Variants in PSD3 observed in about 807,000 individuals in gnomAD.
PSD3 encodes pleckstrin and Sec7 domain containing 3.
In PSD3, 49 loss-of-function variants were observed where a neutral mutation model predicts 105.5. That is an observed-to-expected ratio of 0.46 (90% CI 0.37 to 0.59). PSD3 has a LOEUF of 0.59. Ranked by LOEUF, PSD3 falls within the 20% of genes least tolerant of loss-of-function variation. The pLI is 0.00. For missense variants in PSD3, 1,561 were observed against 1,263.8 expected (o/e 1.24, Z -3.57); for synonymous variants, 557 against 457.8 (o/e 1.22, Z -2.77).
In PSD3 at chr8:18,586,084, G is replaced by C. The variant is rs115017281; in HGVS notation, c.2482-10799C>G. Among the ~76,000 whole-genome samples the C allele has an allele frequency of 4.1e-3, 620 of 152,276 alleles. 4 individuals carry two copies. Among genetic ancestry groups the C allele is most frequent in the African/African-American group, 0.014 (577 of 41,550 alleles). ...AAGAGGCTGCCGACACTGTGCCCAT[G>C]TGTTCAGGAGGCATGCAACATATGG... On this transcript the variant is annotated intron_variant, in intron 12 of 15. Coordinates refer to ENST00000327040, the MANE Select transcript of PSD3 (RefSeq NM_015310.4).
chr8:18,969,345 G>A (rs1400747000), intron 1 of PSD3, among the ~76,000 whole-genome samples: 3 of 152,142 alleles, frequency 2.0e-5, no homozygotes, highest in Non-Finnish European at 4.4e-5. Context: ...AAATTTCGAT[G>A]CAACAGCAGC....
chr8:18,726,771 C>A (rs1354172896), intron 9 of PSD3, among the ~76,000 whole-genome samples: 1 of 152,170 alleles, frequency 6.6e-6, no homozygotes, highest in Non-Finnish European at 1.5e-5. Context: ...CCAACTAAAC[C>A]AAAACTACTA....
chr8:18,862,576 G>A lies in PSD3; in HGVS notation c.1634+5098C>T, dbSNP rs372840180. Reference sequence around the variant, plus strand: ...AGCACCAATGGCAGAAAAGAAGCCCGGAGCTCCGTGGGCAGCCAGATCTCT... The same window carrying A: ...AGCACCAATGGCAGAAAAGAAGCCCAGAGCTCCGTGGGCAGCCAGATCTCT... On this transcript the variant is annotated intron_variant, in intron 4 of 15. Coordinates refer to ENST00000327040, the MANE Select transcript of PSD3 (RefSeq NM_015310.4). Among the ~76,000 whole-genome samples the A allele has an allele frequency of 4.5e-4, 68 of 152,178 alleles. No homozygotes were observed. The East Asian group carries it at 8.3e-3, about 19-fold the overall frequency.
At chr8:18,841,394 G>A (rs764655970) in intron 4 of PSD3, among the ~76,000 whole-genome samples, 8 of 152,048 alleles carry the variant, frequency 5.3e-5, no homozygotes, top group Non-Finnish European at 8.8e-5. Context: ...CAACAAAGCA[G>A]CTCTACTTTC....
chr8:18,944,657 G>C (rs532764805), intron 1 of PSD3, among the ~76,000 whole-genome samples: 1 of 151,864 alleles, frequency 6.6e-6, no homozygotes, highest in Non-Finnish European at 1.5e-5. Flanking sequence ...TCTTAGTAAC[G>C]AATTATTACG....
At chr8:18,545,728 C>A (rs926112528) in intron 15 of PSD3, among the ~76,000 whole-genome samples, 1 of 152,162 alleles carries the variant, frequency 6.6e-6, no homozygotes, top group Non-Finnish European at 1.5e-5. Flanking sequence ...CTTTGCTTTT[C>A]CTTCTGATTG....
At chr8:18,757,589 C>T (rs1357999714) in intron 9 of PSD3, among the ~76,000 whole-genome samples, 1 of 152,210 alleles carries the variant, frequency 6.6e-6, no homozygotes, top group Admixed American at 6.5e-5. Context: ...AGCAGAATCT[C>T]TAATAGGAAG....
intron 14 of PSD3, among the ~76,000 whole-genome samples, chr8:18,570,979 C>T (rs1263769874): frequency 2.0e-5 from 3 of 151,944 alleles, no homozygotes; most frequent in East Asian, 1.9e-4. Context: ...CCTGTGTCCA[C>T]CTCCCAAGTA....
At chr8:18,574,873 A>T (rs1802375914) in intron 13 of PSD3, among the ~76,000 whole-genome samples, 1 of 152,196 alleles carries the variant, frequency 6.6e-6, no homozygotes, top group African/African-American at 2.4e-5. Context: ...ATTGATGAGG[A>T]TACTGAATTC....
intron 2 of PSD3, among the ~76,000 whole-genome samples, chr8:18,903,303 T>C (rs960825112): frequency 2.0e-5 from 3 of 152,122 alleles, no homozygotes; most frequent in Admixed American, 6.5e-5. Flanking sequence ...ATGAGTCACC[T>C]TGTGGTAGTG....
chr8:18,956,923 T>A (rs777417773), intron 1 of PSD3, among the ~76,000 whole-genome samples: 1 of 152,148 alleles, frequency 6.6e-6, no homozygotes, highest in Non-Finnish European at 1.5e-5. Flanking sequence ...AGGACTCCAG[T>A]TGGGGATCCT....
intron 8 of PSD3, among the ~76,000 whole-genome samples, chr8:18,785,733 C>A (rs545282568): frequency 6.6e-6 from 1 of 152,140 alleles, no homozygotes; most frequent in South Asian, 2.1e-4. Flanking sequence ...CAAAGCGAGA[C>A]GTATGAAACT....
intron 12 of PSD3, among the ~76,000 whole-genome samples, chr8:18,596,713 T>G (rs1789971629): frequency 6.6e-6 from 1 of 151,618 alleles, no homozygotes. Context: ...CACCAACAAA[T>G]TGGGAAACCT....
intron 4 of PSD3, among the ~76,000 whole-genome samples, chr8:18,831,181 C>T (rs564736202): frequency 5.9e-5 from 9 of 152,288 alleles, no homozygotes; most frequent in South Asian, 2.1e-4. Context: ...TGAAGCTAAA[C>T]GCCTGCATGA....
chr8:18,553,636 T>C (rs1456940800), intron 15 of PSD3, among the ~76,000 whole-genome samples: 1 of 152,178 alleles, frequency 6.6e-6, no homozygotes, highest in Non-Finnish European at 1.5e-5. Context: ...AAAGACTCTC[T>C]GCAAGCACTC....
intron 10 of PSD3, among the ~76,000 whole-genome samples, chr8:18,637,818 G>A (rs1563408148): frequency 4.6e-5 from 7 of 152,276 alleles, no homozygotes. Context: ...CAATCTGGAA[G>A]AAAGATTTCT....
At position 19,013,644 on chromosome 8, in the gene PSD3, T is replaced by C. The variant is rs1586628817; in HGVS notation, c.-61A>G. 3 of 1,270,034 alleles carry C rather than the reference T, an allele frequency of 2.4e-6. No individual in the cohort carries two copies. Among genetic ancestry groups the C allele is most frequent in the East Asian group, 3.4e-5 (1 of 29,530 alleles). 78.7% of individuals were successfully genotyped at this position (1,270,034 alleles called of 1,614,324 possible). A position where few individuals can be genotyped will look rare whatever the true frequency, so the allele number is the denominator to read the frequency against. ...CGCCGGGCGCTCCGGGGCCGCAGCC[T>C]CAGGGCGCGAGTGCCGGCGGCCAGC... On this transcript the variant is annotated 5_prime_UTR_variant, in exon 1 of 16. Coordinates refer to ENST00000327040, the MANE Select transcript of PSD3 (RefSeq NM_015310.4).
At chr8:18,565,387 A>G (rs184671129) in intron 14 of PSD3, among the ~76,000 whole-genome samples, 24 of 152,332 alleles carry the variant, frequency 1.6e-4, no homozygotes, top group Middle Eastern at 3.4e-3. Flanking sequence ...CTCTGGCAGC[A>G]CTGTCATGAA....
At chr8:18,927,240 G>A (rs1025167294) in intron 2 of PSD3, among the ~76,000 whole-genome samples, 5 of 152,168 alleles carry the variant, frequency 3.3e-5, no homozygotes, top group African/African-American at 1.2e-4. Flanking sequence ...CTGAGACAGA[G>A]TGTCACTCTG....
Sources: allele counts gnomAD v4.1 joint callset (sites outside exome capture counted in the v4.1 genomes callset), GRCh38; gene constraint gnomAD v4.1.1; transcripts MANE v1.5; gene names NCBI Gene and HGNC (gene_info 2026-07-23, HGNC 2026-07-21).